FLRT3: variants seen among roughly 807,000 people sequenced by gnomAD.
FLRT3 encodes leucine-rich repeat transmembrane protein FLRT3.
A neutral mutation model predicts 42.6 loss-of-function variants in FLRT3; 17 were observed. That is an observed-to-expected ratio of 0.40 (90% confidence interval 0.27 to 0.60). The LOEUF is 0.60. Ranked by LOEUF, FLRT3 falls within the 20% of genes least tolerant of loss-of-function variation. The pLI is 0.44. For missense variants in FLRT3, 635 were observed against 789.2 expected, an observed-to-expected ratio of 0.80 and a Z score of 2.34; for synonymous variants, 279 against 286.4, an observed-to-expected ratio of 0.97 and a Z score of 0.26.
chr20:14,326,070 C>G lies in FLRT3; in HGVS notation c.1437G>C (p.Met479Ile), dbSNP rs1388142509. ...LEPDSPYKVC[M>I]VPMETSNLYL... ...AGAGGTTGCTGGTTTCCATGGGAAC[C>G]ATGCATACTTTATAGGGTGAATCAG... Residue 479 changes from methionine to isoleucine, a missense_variant, in exon 3 of 3, where the codon ATG becomes ATC. Coordinates refer to ENST00000341420, the MANE Select transcript of FLRT3 (RefSeq NM_198391.3). The surrounding 1 kb of genome is among the most constrained non-coding windows in gnomAD (Gnocchi z 5.5). 1 of 1,613,876 alleles carries G rather than the reference C, an allele frequency of 6.2e-7. No individual in the cohort carries two copies. The highest frequency in any genetic ancestry group is 1.7e-5 in the Admixed American group (1 of 59,988).
chr20:14,330,529 G>A (rs1185129742), intron 1 of FLRT3, among the ~76,000 whole-genome samples: 1 of 152,022 alleles, frequency 6.6e-6, no homozygotes, highest in Non-Finnish European at 1.5e-5. Context: ...TGTGTTTCTG[G>A]TTCTCTCCAA....
At chr20:14,329,021 C>T (rs183340543) in intron 2 of FLRT3, 113 bp downstream of exon 2, 1 of 152,158 alleles carries the variant, frequency 6.6e-6, no homozygotes, top group Non-Finnish European at 1.5e-5. Flanking sequence ...ATTCATGATG[C>T]TAAGGCCTGT....
intron 1 of FLRT3, among the ~76,000 whole-genome samples, chr20:14,332,070 A>G (rs900309107): frequency 1.1e-4 from 16 of 152,188 alleles, no homozygotes; most frequent in African/African-American, 3.9e-4. Flanking sequence ...TTTTAATGGA[A>G]TCATTATTTA....
chr20:14,326,682 T>C lies in FLRT3; in HGVS notation c.825A>G (p.Arg275=). ...TTAGGTTATTATTGGACATATCCAG[T>C]CGATAGAGCTGCCTTAGATAAGAAA... is the stretch of plus-strand genomic sequence containing the variant. The part of the protein sequence containing the change: ...NAFSYLRQLY[R]LDMSNNNLSN... The change falls in exon 3 of 3, where the codon CGA becomes CGG. Residue 275 remains arginine (R), a synonymous_variant. Transcript: ENST00000341420. This position sits in a 1 kb window ranked among gnomAD's most constrained non-coding sequence, Gnocchi z 5.5. The C allele has an allele frequency of 1.2e-6, 2 of 1,613,762 alleles. No homozygotes were observed. Among genetic ancestry groups the C allele is most frequent in the South Asian group, 1.1e-5 (1 of 91,088 alleles).
chr20:14,327,613 A>T (rs886077418), intron 2 of FLRT3, 55 bp from the exon 3 acceptor site: 1 of 1,250,790 alleles, frequency 8.0e-7, no homozygotes, highest in Non-Finnish European at 1.1e-6. Context: ...CATACTGAAT[A>T]TAATGTTTAA....
Position 14,326,387 on chromosome 20 carries a change from C to T in FLRT3, c.1120G>A (p.Val374Met), listed in dbSNP as rs1381658057. 1 of 1,613,886 alleles carries T rather than the reference C, an allele frequency of 6.2e-7. No homozygotes were observed. The highest frequency in any genetic ancestry group is 2.2e-5 in the East Asian group (1 of 44,864). Residue 374 changes from valine (V) to methionine (M), a missense_variant, in exon 3 of 3, where the codon GTG (valine) becomes ATG (methionine). Coordinates refer to ENST00000341420, the MANE Select transcript of FLRT3 (RefSeq NM_198391.3). This position sits in a 1 kb window ranked among gnomAD's most constrained non-coding sequence, Gnocchi z 5.5. ...IQITTAIPNT[V>M]YPAQGQWPAP... ...GGCCACTGTCCTTGGGCAGGATACACTGTGTTGGGTATTGCAGTGGTTATC... is the reference window on the plus strand; with the variant it reads ...GGCCACTGTCCTTGGGCAGGATACATTGTGTTGGGTATTGCAGTGGTTATC...
chr20:14,326,642 C>T lies in FLRT3; in HGVS notation c.865G>A (p.Gly289Ser). 1.2e-6 allele frequency: 2 copies of T among 1,613,654 alleles called. No individual in the cohort carries two copies. The highest frequency in any genetic ancestry group is 1.7e-6 in the Non-Finnish European group (2 of 1,179,804). The change falls in exon 3 of 3, where the codon GGT (glycine) becomes AGT (serine). Residue 289 changes from glycine (G) to serine (S), a missense_variant. Transcript: ENST00000341420. The surrounding 1 kb of genome is among the most constrained non-coding windows in gnomAD (Gnocchi z 5.5). The stretch of plus-strand genomic sequence containing the variant: ...ATATTGTCCAAATCATCAAAGATAC[C>T]CTGAGGTAAATTACTTAGGTTATTA... ...SNNNLSNLPQ[G>S]IFDDLDNITQ...
intron 1 of FLRT3, 61 bp downstream of exon 1, chr20:14,337,341 TAG>T (rs2082956785): frequency 9.5e-6 from 3 of 316,574 alleles, no homozygotes; most frequent in South Asian, 1.6e-4. Context: ...CGTTTCTTTC[TAG>T]AGAGTAAAAC....
rs2082723951 is a variant in FLRT3 at position 14,325,835 on chromosome 20, G to A, written c.1672C>T (p.Leu558Phe). Residue 558 changes from leucine (L) to phenylalanine (F), a missense_variant, in exon 3 of 3, where the codon CTC (leucine) becomes TTC (phenylalanine). Transcript: ENST00000341420. Reference protein sequence around the residue: ...VCWYVHRNGSLFSRNCAYSKG... With the variant: ...VCWYVHRNGSFFSRNCAYSKG... ...CTATATGCACAGTTCCTTGAGAAGA[G>A]CGATCCATTCCTATGAACATACCAA... 2 of 1,613,902 alleles carry A rather than the reference G, an allele frequency of 1.2e-6. No individual in the cohort carries two copies. The highest frequency in any genetic ancestry group is 2.2e-5 in the East Asian group (1 of 44,870).
In FLRT3 at chr20:14,327,477, G is replaced by A. The variant is rs1250143539; in HGVS notation, c.30C>T (p.Leu10=). Residue 10 remains leucine (L), a synonymous_variant, in exon 3 of 3, where the codon CTC becomes CTT. Coordinates refer to ENST00000341420, the MANE Select transcript of FLRT3 (RefSeq NM_198391.3). ...GGAACAGCCCAATTTTAGTCCCGAT[G>A]AGGAAGATGCTCCAGGCTGCGCTGA... MISAAWSIF[L]IGTKIGLFLQ... 1 of 1,613,150 alleles carries A rather than the reference G, an allele frequency of 6.2e-7. No homozygotes were observed. The highest frequency in any genetic ancestry group is 1.3e-5 in the African/African-American group (1 of 74,876).
At position 14,326,328 on chromosome 20, in the gene FLRT3, G is replaced by A. The variant is rs901451197; in HGVS notation, c.1179C>T (p.Asn393=). The change falls in exon 3 of 3, where the codon AAC becomes AAT. Residue 393 remains asparagine (N), a synonymous_variant. Coordinates refer to ENST00000341420, the MANE Select transcript of FLRT3 (RefSeq NM_198391.3). The surrounding 1 kb of genome is among the most constrained non-coding windows in gnomAD (Gnocchi z 5.5). ...TTTGGTGATCCTTAGTGAGCTTGGG[G>A]TTCTTAATATCTGGCTGTTTGGTCA... is the stretch of plus-strand genomic sequence containing the variant. ...APVTKQPDIK[N]PKLTKDHQTT... is the part of the protein sequence containing the mutation. The A allele has an allele frequency of 1.9e-6, 3 of 1,613,750 alleles. No homozygotes were observed. Among genetic ancestry groups the A allele is most frequent in the Admixed American group, 1.7e-5 (1 of 59,972 alleles).
chr20:14,336,591 G>C (rs1198638051), intron 1 of FLRT3, among the ~76,000 whole-genome samples: 1 of 151,976 alleles, frequency 6.6e-6, no homozygotes. Flanking sequence ...ACTTGATAAG[G>C]GCTCTACTCA....
In FLRT3 at chr20:14,326,462, T is replaced by C. The variant is rs1252647802; in HGVS notation, c.1045A>G (p.Asn349Asp). Residue 349 changes from asparagine to aspartate, a missense_variant, in exon 3 of 3, where the codon AAT becomes GAT. By Grantham distance (23) the Asn-to-Asp change is conservative. Coordinates refer to ENST00000341420, the MANE Select transcript of FLRT3 (RefSeq NM_198391.3). This position sits in a 1 kb window ranked among gnomAD's most constrained non-coding sequence, Gnocchi z 5.5. ...KVRGMAIKDL[N>D]AELFDCKDSG... ...TCCTTACAATCAAACAGTTCTGCAT[T>C]GAGATCCTTAATAGCCATCCCACGA... 6.2e-6 allele frequency: 10 copies of C among 1,613,182 alleles called. No homozygotes were observed. Among genetic ancestry groups the C allele is most frequent in the Non-Finnish European group, 7.6e-6 (9 of 1,179,366 alleles).
At chr20:14,328,872 T>C (rs1325465525) in intron 2 of FLRT3, 1 of 152,092 alleles carries the variant, frequency 6.6e-6, no homozygotes, top group Non-Finnish European at 1.5e-5. Context: ...TTTTTTTTCT[T>C]TCTGATAGAG....
intron 2 of FLRT3, among the ~76,000 whole-genome samples, chr20:14,327,911 TCTTA>T (rs1473210372): frequency 5.3e-5 from 8 of 152,256 alleles, no homozygotes; most frequent in East Asian, 1.9e-4. Flanking sequence ...AATATCCATT[TCTTA>T]CTTAATATTC....
Position 14,325,473 on chromosome 20 carries a change from T to G in FLRT3, c.*84A>C. 7.2e-7 allele frequency: 1 copy of G among 1,379,862 alleles called. No homozygotes were observed. The highest frequency in any genetic ancestry group is 9.9e-7 in the Non-Finnish European group (1 of 1,012,508). The allele number at this position is 1,379,862 out of a possible 1,614,324, so 85.5% of individuals were successfully genotyped here. A position where few individuals can be genotyped will look rare whatever the true frequency, so the allele number is the denominator to read the frequency against. ...TTTTTTTCAGTCTCTTTTTCCAGTGTTTTGCAGTAGAACAGGGTTCCTACC... is the reference window on the plus strand; with the variant it reads ...TTTTTTTCAGTCTCTTTTTCCAGTGGTTTGCAGTAGAACAGGGTTCCTACC... On this transcript the variant is annotated 3_prime_UTR_variant, in exon 3 of 3. Coordinates refer to ENST00000341420, the MANE Select transcript of FLRT3 (RefSeq NM_198391.3).
At chr20:14,329,456 T>C (rs1488760414) in intron 1 of FLRT3, 129 bp from the exon 2 acceptor site, 2 of 152,096 alleles carry the variant, frequency 1.3e-5, no homozygotes, top group Non-Finnish European at 2.9e-5. Context: ...TCAGAAGGGA[T>C]AGGTTGACCT....
rs1471910650 is a variant in FLRT3, at chr20:14,324,659, C to G, written c.*898G>C. The G allele has an allele frequency of 6.6e-6, 1 of 152,056 alleles. No homozygotes were observed. Among genetic ancestry groups the G allele is most frequent in the African/African-American group, 2.4e-5 (1 of 41,414 alleles). 9.4% of individuals were successfully genotyped at this position (152,056 alleles called of 1,614,324 possible). ...CTTTATGATAAAAACATCATAAACA[C>G]TAACAATTTTGTGTTTATAATTCAC... On this transcript the variant is annotated 3_prime_UTR_variant, in exon 3 of 3. Transcript: ENST00000341420.
rs1428554269 is a variant in FLRT3 at position 14,327,204 on chromosome 20, G to A, written c.303C>T (p.Asn101=). 1 of 1,613,594 alleles carries A rather than the reference G, an allele frequency of 6.2e-7. No homozygotes were observed. Among genetic ancestry groups the A allele is most frequent in the Middle Eastern group, 1.7e-4 (1 of 6,052 alleles). Residue 101 remains asparagine (N), a synonymous_variant, in exon 3 of 3, where the codon AAC becomes AAT. Transcript: ENST00000341420. ...YHNSLDEFPT[N]LPKYVKELHL... ...GTAACTCTTTTACATACTTTGGGAG[G>A]TTGGTAGGAAATTCATCTAAACTGT...
Sources: allele counts gnomAD v4.1 joint callset (sites outside exome capture counted in the v4.1 genomes callset), GRCh38; gene constraint gnomAD v4.1.1; non-coding constraint Gnocchi (gnomAD v3.1); transcripts MANE v1.5; gene names NCBI Gene and HGNC (gene_info 2026-07-23, HGNC 2026-07-21).